Variants in THAP8 observed in about 807,000 individuals in gnomAD.
THAP8 encodes THAP domain containing 8, also known as THAP domain-containing protein 8.
A neutral mutation model predicts 25.0 loss-of-function variants in THAP8; 24 were observed. The ratio of observed to expected loss-of-function variants is 0.96; its 90% CI spans 0.69 to 1.35. THAP8 has a LOEUF of 1.35. Ranked by LOEUF, THAP8 falls within the 40% of genes most tolerant of loss-of-function variation. The pLI, the probability that THAP8 is intolerant of heterozygous loss-of-function variation, is 0.00. For missense variants in THAP8, 399 were observed against 368.8 expected (o/e 1.08, Z -0.67); for synonymous variants, 169 against 157.6 (o/e 1.07, Z -0.54).
intron 1 of THAP8, among the ~76,000 whole-genome samples, chr19:36,051,201 C>T (rs543502499): frequency 4.6e-5 from 7 of 152,248 alleles, no homozygotes; most frequent in African/African-American, 1.7e-4. Context: ...GAGGGAATCA[C>T]ACAGGCAAAG....
intron 3 of THAP8, among the ~76,000 whole-genome samples, chr19:36,037,295 C>T (rs1431986660): frequency 6.9e-6 from 1 of 145,018 alleles, no homozygotes; most frequent in Non-Finnish European, 1.5e-5. Context: ...TCAGCTTCCT[C>T]CCCTACACAC....
At chr19:36,054,353 G>A (rs1240037793), upstream of THAP8, 1 of 1,037,500 alleles carries the variant, frequency 9.6e-7, no homozygotes, top group South Asian at 1.5e-5. Context: ...ACGTACCGGG[G>A]AGAGAGCTGA....
At position 36,053,162 on chromosome 19, in the gene THAP8, G is replaced by T. The variant is rs141655182; in HGVS notation, c.83+973C>A. 6.6e-3 allele frequency among the ~76,000 whole-genome samples: 1,008 copies of T among 151,956 alleles called. 14 individuals carry two copies. The highest frequency in any genetic ancestry group is 0.023 in the African/African-American group (969 of 41,420). ...GGCTCACTGCAACCTCTGCCTTCTGGATTCATGCGATTCTCCTGCCTCAGC... is the reference window on the plus strand; with the variant it reads ...GGCTCACTGCAACCTCTGCCTTCTGTATTCATGCGATTCTCCTGCCTCAGC... On this transcript the variant is annotated intron_variant, in intron 1 of 3. Coordinates refer to ENST00000292894, the MANE Select transcript of THAP8 (RefSeq NM_152658.3).
At chr19:36,052,094 G>C (rs1970072356) in intron 1 of THAP8, among the ~76,000 whole-genome samples, 1 of 151,902 alleles carries the variant, frequency 6.6e-6, no homozygotes, top group South Asian at 2.1e-4. Context: ...CGCCAGGCTG[G>C]AGTGCAGTGG....
intron 1 of THAP8, among the ~76,000 whole-genome samples, chr19:36,046,144 C>T (rs563783285): frequency 9.2e-5 from 14 of 152,070 alleles, no homozygotes; most frequent in African/African-American, 3.1e-4. Context: ...GGATGTTTCC[C>T]CCATGCTGTT....
In THAP8 at chr19:36,040,973, G is replaced by A. The variant is rs528113415; in HGVS notation, c.84-837C>T. ...ACAATTCAGTAAAAAGACATTTTAA[G>A]ACAATTGGGGAAAACTGAACATGAA... On this transcript the variant is annotated intron_variant, in intron 1 of 3. Coordinates refer to ENST00000292894, the MANE Select transcript of THAP8 (RefSeq NM_152658.3). Among the ~76,000 whole-genome samples the A allele has an allele frequency of 2.0e-5, 3 of 152,200 alleles. No individual in the cohort carries two copies. The South Asian group carries it at 6.2e-4, about 32-fold the overall frequency.
chr19:36,044,105 A>G (rs983879585), intron 1 of THAP8, among the ~76,000 whole-genome samples: 1 of 152,058 alleles, frequency 6.6e-6, no homozygotes, highest in African/African-American at 2.4e-5. Context: ...CTCCTTTTCC[A>G]GCCTTATTTG....
intron 3 of THAP8, among the ~76,000 whole-genome samples, chr19:36,037,642 TTTTG>T (rs1453339746): frequency 2.6e-5 from 4 of 152,126 alleles, no homozygotes; most frequent in Admixed American, 2.0e-4. Flanking sequence ...ATGAGGTTTT[TTTTG>T]TTTGTTTTTT....
intron 1 of THAP8, among the ~76,000 whole-genome samples, chr19:36,047,350 C>T (rs547809042): frequency 8.5e-5 from 13 of 152,286 alleles, no homozygotes; most frequent in African/African-American, 1.4e-4. Flanking sequence ...TGCCATTGAA[C>T]GGGGTTTCTG....
In THAP8 at chr19:36,050,536, T is replaced by C. The variant is rs190090589; in HGVS notation, c.83+3599A>G. Among the ~76,000 whole-genome samples the C allele has an allele frequency of 4.6e-3, 694 of 152,272 alleles. 6 individuals are homozygous for C. The highest frequency in any genetic ancestry group is 0.016 in the African/African-American group (669 of 41,542). The stretch of plus-strand genomic sequence containing the variant: ...GGTGTTAGAGATTTTGTTGTGGTTG[T>C]TGCAGGATGGAGAAATGTCTTGAGG... On this transcript the variant is annotated intron_variant, in intron 1 of 3. Coordinates refer to ENST00000292894, the MANE Select transcript of THAP8 (RefSeq NM_152658.3).
At chr19:36,046,247 G>A (rs1233157325) in intron 1 of THAP8, among the ~76,000 whole-genome samples, 2 of 152,152 alleles carry the variant, frequency 1.3e-5, no homozygotes, top group African/African-American at 4.8e-5. Context: ...CATGTAAGAT[G>A]TTTGCTTTCC....
rs768757619 is a variant in THAP8 at position 36,054,193 on chromosome 19, T to C, written c.25A>G (p.Asn9Asp). 4 of 1,613,746 alleles carry C rather than the reference T, an allele frequency of 2.5e-6. No homozygotes were observed. Among genetic ancestry groups the C allele is most frequent in the Non-Finnish European group, 3.4e-6 (4 of 1,179,912 alleles). MPKYCRAPNCSNTAGRLGA... is the reference protein window; with the variant it reads MPKYCRAPDCSNTAGRLGA... ...AGGCGGCCCGCAGTGTTGGAGCAGT[T>C]CGGCGCCCTGCAGTACTTGGGCATG... Residue 9 changes from asparagine to aspartate, a missense_variant, in exon 1 of 4, where the codon AAC (asparagine) becomes GAC (aspartate). Asn to Asp is a conservative substitution (Grantham distance 23). Transcript: ENST00000292894.
In THAP8 at chr19:36,039,310, G is replaced by C; in HGVS notation, c.672+13C>G. 2 of 1,454,952 alleles carry C rather than the reference G, an allele frequency of 1.4e-6. No individual in the cohort carries two copies. Among genetic ancestry groups the C allele is most frequent in the East Asian group, 2.6e-5 (1 of 38,652 alleles). The allele number at this position is 1,454,952 out of a possible 1,614,324, so 90.1% of individuals were successfully genotyped here. A position where few individuals can be genotyped will look rare whatever the true frequency, so the allele number is the denominator to read the frequency against. ...ACCCATGGATGGGGCTGCCAGGCTG[G>C]GGTGCCACTCACCAGGCGCTGCAGA... On this transcript the variant is annotated intron_variant, in intron 3 of 3. Coordinates refer to ENST00000292894, the MANE Select transcript of THAP8 (RefSeq NM_152658.3).
chr19:36,041,312 T>TA (rs76247583), intron 1 of THAP8, among the ~76,000 whole-genome samples: 278 of 140,238 alleles, frequency 2.0e-3, no homozygotes, highest in East Asian at 2.7e-3. Flanking sequence ...ACCCTGTCTT[T>TA]AAAAAAAAAA....
At chr19:36,041,303 C>A (rs890342713) in intron 1 of THAP8, among the ~76,000 whole-genome samples, 1 of 149,642 alleles carries the variant, frequency 6.7e-6, no homozygotes. Context: ...CAGAGCCAGA[C>A]CCTGTCTTTA....
chr19:36,054,109 C>G (rs1246979684), intron 1 of THAP8, 26 bp downstream of exon 1: 2 of 1,607,666 alleles, frequency 1.2e-6, no homozygotes, highest in East Asian at 2.2e-5. Flanking sequence ...CCGCCTCCCT[C>G]AAGCCCCGCC....
chr19:36,048,709 A>G (rs1969956833), intron 1 of THAP8, among the ~76,000 whole-genome samples: 1 of 150,668 alleles, frequency 6.6e-6, no homozygotes, highest in Non-Finnish European at 1.5e-5. Context: ...TTTGCCTGAC[A>G]AGGTGGTGTC....
At chr19:36,041,268 C>T (rs1225197684) in intron 1 of THAP8, among the ~76,000 whole-genome samples, 3 of 150,250 alleles carry the variant, frequency 2.0e-5, no homozygotes, top group East Asian at 3.9e-4. Flanking sequence ...GCCGAGATTG[C>T]GCAACTGTAC....
intron 1 of THAP8, among the ~76,000 whole-genome samples, chr19:36,040,990 G>A (rs1969673109): frequency 6.6e-6 from 1 of 152,048 alleles, no homozygotes; most frequent in African/African-American, 2.4e-5. Flanking sequence ...GGGGAAAACT[G>A]AACATGAACT....
Sources: gnomAD v4.1 joint callset for allele counts (sites outside exome capture counted in the v4.1 genomes callset) on GRCh38, gnomAD v4.1.1 for gene constraint, MANE v1.5 for transcripts, NCBI Gene and HGNC (gene_info 2026-07-23, HGNC 2026-07-21) for gene names.